Variants in AMOTL1 observed in about 807,000 individuals in gnomAD.
AMOTL1 encodes the protein angiomotin like 1.
A neutral mutation model predicts 102.9 loss-of-function variants in AMOTL1; 45 were observed. The observed-to-expected ratio is 0.44, with a 90% CI of 0.34 to 0.56. AMOTL1 has a LOEUF of 0.56. AMOTL1 is among the 20% of genes least tolerant of loss of function. The probability of loss-of-function intolerance (pLI) is 0.01; values close to 1 mark genes in which losing one functional copy is unlikely to be tolerated. For synonymous variants in AMOTL1, 481 were observed against 484.7 expected (o/e 0.99, Z 0.10); for missense variants, 1,114 against 1,225.6 (o/e 0.91, Z 1.36).
Position 94,830,187 on chromosome 11 carries a change from C to A in AMOTL1, c.1551C>A (p.Asp517Glu), listed in dbSNP as rs1431658457. The change falls in exon 5 of 13, where the codon GAC becomes GAA. Residue 517 changes from aspartate to glutamate, a missense_variant. Asp to Glu is a conservative substitution (Grantham distance 45). Transcript: ENST00000433060. ...GAAGACTTCATGATTTCAACAGAGACCTCCGAGGCAGGTTTATTCATGTTC... is the reference window on the plus strand; with the variant it reads ...GAAGACTTCATGATTTCAACAGAGAACTCCGAGGCAGGTTTATTCATGTTC... ...EIRRLHDFNR[D>E]LRDRLETANR... The A allele has an allele frequency of 6.2e-7, 1 of 1,601,850 alleles. No homozygotes were observed.
At chr11:94,719,450 A>G (rs1051264290) in intron 1 of AMOTL1, among the ~76,000 whole-genome samples, 4 of 152,124 alleles carry the variant, frequency 2.6e-5, no homozygotes, top group South Asian at 2.1e-4. Context: ...ATCTATATAC[A>G]TAGTATACAA....
intron 3 of AMOTL1, among the ~76,000 whole-genome samples, chr11:94,808,965 CTTTTTTTTTTTTTT>C (rs199619372): frequency 2.7e-5 from 3 of 111,888 alleles, no homozygotes; most frequent in Admixed American, 8.3e-5. Flanking sequence ...TTCTTTCTTT[CTTTTTTTTTTTTTT>C]TTTTTTTTTG....
intron 4 of AMOTL1, among the ~76,000 whole-genome samples, chr11:94,824,782 G>A (rs1283332037): frequency 1.3e-5 from 2 of 152,174 alleles, no homozygotes; most frequent in African/African-American, 2.4e-5. Context: ...ATATGACCCC[G>A]CTATGCCCAC....
chr11:94,723,160 G>A (rs1950200829), intron 1 of AMOTL1, among the ~76,000 whole-genome samples: 1 of 152,106 alleles, frequency 6.6e-6, no homozygotes, highest in African/African-American at 2.4e-5. Flanking sequence ...GCCTGAGTAT[G>A]GCCATGCACC....
intron 3 of AMOTL1, among the ~76,000 whole-genome samples, chr11:94,741,205 C>CGT (rs148548948): frequency 1.3e-4 from 20 of 150,232 alleles, no homozygotes; most frequent in Non-Finnish European, 1.9e-4. Context: ...ATGAGCCGTG[C>CGT]GTGTGTGTGT....
chr11:94,720,867 C>T (rs750218309), intron 1 of AMOTL1, among the ~76,000 whole-genome samples: 1 of 151,948 alleles, frequency 6.6e-6, no homozygotes, highest in Admixed American at 6.6e-5. Context: ...GGAGGGTGTG[C>T]GTAAGTTAGT....
At chr11:94,723,393 A>C (rs1163945033) in intron 1 of AMOTL1, among the ~76,000 whole-genome samples, 1 of 152,150 alleles carries the variant, frequency 6.6e-6, no homozygotes, top group East Asian at 1.9e-4. Flanking sequence ...CAGAGATGAA[A>C]AGCCTGAGTC....
chr11:94,739,665 A>C (rs981752920), intron 2 of AMOTL1, among the ~76,000 whole-genome samples: 1 of 152,144 alleles, frequency 6.6e-6, no homozygotes, highest in Non-Finnish European at 1.5e-5. Context: ...TAGTCCTCCA[A>C]GGATGGAGAA....
intron 3 of AMOTL1, among the ~76,000 whole-genome samples, chr11:94,753,069 C>G (rs1171803228): frequency 1.3e-5 from 2 of 152,160 alleles, no homozygotes; most frequent in Admixed American, 1.3e-4. Flanking sequence ...AACGGCAACT[C>G]CAGACTGAGT....
At chr11:94,711,652 A>G (rs1950023415) in intron 1 of AMOTL1, among the ~76,000 whole-genome samples, 1 of 152,038 alleles carries the variant, frequency 6.6e-6, no homozygotes. Context: ...CATTTATATA[A>G]TTTTATTTCA....
intron 11 of AMOTL1, among the ~76,000 whole-genome samples, chr11:94,868,200 G>T (rs1258308006): frequency 1.3e-5 from 2 of 152,180 alleles, no homozygotes; most frequent in African/African-American, 4.8e-5. Context: ...AAACTGAACT[G>T]CCCTGAGTTC....
At chr11:94,756,146 G>C (rs1950722359) in intron 3 of AMOTL1, among the ~76,000 whole-genome samples, 1 of 152,130 alleles carries the variant, frequency 6.6e-6, no homozygotes, top group Admixed American at 6.5e-5. Flanking sequence ...GATGGTGTCT[G>C]GTGGTGTGCT....
upstream of AMOTL1, among the ~76,000 whole-genome samples, chr11:94,768,042 C>CATTG (rs1423774498): frequency 6.6e-5 from 10 of 152,146 alleles, no homozygotes; most frequent in Non-Finnish European, 1.5e-4. Flanking sequence ...TTTTGGCCGG[C>CATTG]ATTGGGCTGG....
At chr11:94,796,940 T>C in intron 2 of AMOTL1, 1 of 968,976 alleles carries the variant, frequency 1.0e-6, no homozygotes, top group Non-Finnish European at 1.2e-6. Context: ...TCACACCACC[T>C]TTGTTTTTTT....
In AMOTL1 at chr11:94,800,191, A is replaced by G. The variant is rs747981572; in HGVS notation, c.1001A>G (p.Tyr334Cys). The stretch of plus-strand genomic sequence containing the variant: ...AAGACCCAGGAGCACGGACTTTTTT[A>G]TGGTGACCAGCACCCCGGGATGCTC... ...VSKTQEHGLFYGDQHPGMLHE... is the reference protein window; with the variant it reads ...VSKTQEHGLFCGDQHPGMLHE... Residue 334 changes from tyrosine to cysteine, a missense_variant, in exon 3 of 13, where the codon TAT (tyrosine) becomes TGT (cysteine). By Grantham distance (194) the Tyr-to-Cys change is radical. Coordinates refer to ENST00000433060, the MANE Select transcript of AMOTL1 (RefSeq NM_130847.3). 3 of 1,613,894 alleles carry G rather than the reference A, an allele frequency of 1.9e-6. No individual in the cohort carries two copies. The highest frequency in any genetic ancestry group is 2.2e-5 in the East Asian group (1 of 44,856).
intron 1 of AMOTL1, among the ~76,000 whole-genome samples, chr11:94,788,781 C>T (rs1951235888): frequency 6.6e-6 from 1 of 152,204 alleles, no homozygotes; most frequent in South Asian, 2.1e-4. Context: ...AGCATGTGCT[C>T]TGCATTTTGG....
Position 94,821,560 on chromosome 11 carries a change from C to T in AMOTL1, c.1152C>T (p.Thr384=). The change falls in exon 4 of 13, where the codon ACC becomes ACT. Residue 384 remains threonine (T), a synonymous_variant. Coordinates refer to ENST00000433060, the MANE Select transcript of AMOTL1 (RefSeq NM_130847.3). ...SRPCQLPFPS[T]MQQHSPMSSQ... ...CATGCCAACTTCCGTTCCCATCAAC[C>T]ATGCAGCAGCACAGCCCCATGTCCT... 6.2e-7 allele frequency: 1 copy of T among 1,613,880 alleles called. No homozygotes were observed. The highest frequency in any genetic ancestry group is 8.5e-7 in the Non-Finnish European group (1 of 1,179,852).
At chr11:94,776,913 C>T (rs1224635718) in intron 1 of AMOTL1, among the ~76,000 whole-genome samples, 1 of 152,172 alleles carries the variant, frequency 6.6e-6, no homozygotes, top group Admixed American at 6.5e-5. Context: ...ATTACTCATC[C>T]TGGTGATGTG....
At chr11:94,793,462 A>G (rs1024083288) in intron 1 of AMOTL1, among the ~76,000 whole-genome samples, 1 of 152,190 alleles carries the variant, frequency 6.6e-6, no homozygotes, top group Non-Finnish European at 1.5e-5. Context: ...GATTGAATAG[A>G]TCTGGGTGGT....
Sources: allele counts gnomAD v4.1 joint callset (sites outside exome capture counted in the v4.1 genomes callset), GRCh38; gene constraint gnomAD v4.1.1; transcripts MANE v1.5; gene names NCBI Gene and HGNC (gene_info 2026-07-23, HGNC 2026-07-21).